HDAC9: variants seen among roughly 807,000 people sequenced by gnomAD.
The protein encoded by HDAC9 is histone deacetylase 9, also known as MEF-2 interacting transcription repressor (MITR) protein.
Under a neutral mutation model 139.4 loss-of-function variants are expected in HDAC9, and 41 were observed. The ratio of observed to expected loss-of-function variants is 0.29; its 90% CI spans 0.23 to 0.38. The LOEUF (loss-of-function observed/expected upper bound fraction) is 0.38. HDAC9 is among the 10% of genes least tolerant of loss of function. The probability of loss-of-function intolerance (pLI) is 1.00; values close to 1 mark genes in which losing one functional copy is unlikely to be tolerated. For missense variants in HDAC9, 1,147 were observed against 1,297.0 expected (o/e 0.88, Z 1.78); for synonymous variants, 517 against 476.2 (o/e 1.09, Z -1.12).
intron 1 of HDAC9, among the ~76,000 whole-genome samples, chr7:18,110,905 C>G (rs1375740049): frequency 2.0e-5 from 3 of 152,128 alleles, no homozygotes; most frequent in Non-Finnish European, 4.4e-5. Flanking sequence ...GATTCTTTCA[C>G]ATGGGGAAGA....
chr7:18,439,776 C>T (rs1055234653), intron 1 of HDAC9, among the ~76,000 whole-genome samples: 3 of 152,128 alleles, frequency 2.0e-5, no homozygotes, highest in Admixed American at 2.0e-4. Context: ...CTCTTTCTCG[C>T]TCTTCATACA....
Position 18,732,654 on chromosome 7 carries a change from T to TGTATATGTGTGCATATGTGTATATAC in HDAC9, c.1909+4897_1909+4898insGTATATGTGTGCATATGTGTATATAC, listed in dbSNP as rs1786223843. ...GTATATGTGTGCATATGTGTATATA[T>TGTATATGTGTGCATATGTGTATATAC]ACACACACACGTGTATATGTGTGCG... On this transcript the variant is annotated intron_variant, in intron 13 of 25. Transcript: ENST00000686413. 4.8e-5 allele frequency among the ~76,000 whole-genome samples: 5 copies of TGTATATGTGTGCATATGTGTATATAC among 104,346 alleles called. 1 individual carries two copies. Among genetic ancestry groups the TGTATATGTGTGCATATGTGTATATAC allele is most frequent in the African/African-American group, 1.1e-4 (2 of 18,650 alleles). The allele number at this position is 104,346 out of a possible 152,430, so 68.5% of individuals were successfully genotyped here. A position where few individuals can be genotyped will look rare whatever the true frequency, so the allele number is the denominator to read the frequency against.
chr7:18,168,930 C>T (rs1233850675), intron 2 of HDAC9, among the ~76,000 whole-genome samples: 3 of 113,882 alleles, frequency 2.6e-5, no homozygotes, highest in Admixed American at 1.0e-4. Flanking sequence ...TGTGTGTGCG[C>T]GCATGTGTCT....
intron 23 of HDAC9, among the ~76,000 whole-genome samples, chr7:18,947,162 T>C (rs1367504761): frequency 1.3e-5 from 2 of 151,932 alleles, no homozygotes; most frequent in Admixed American, 6.6e-5. Context: ...AATGTATATA[T>C]TAGAAAAGAA....
chr7:18,662,700 A>G (rs1331095000), intron 11 of HDAC9, among the ~76,000 whole-genome samples: 1 of 152,108 alleles, frequency 6.6e-6, no homozygotes, highest in South Asian at 2.1e-4. Flanking sequence ...AATGAGAAGC[A>G]AAGGTATCAG....
At chr7:18,215,847 A>G (rs775913267) in intron 2 of HDAC9, among the ~76,000 whole-genome samples, 45 of 152,158 alleles carry the variant, frequency 3.0e-4, no homozygotes, top group Non-Finnish European at 3.4e-4. Context: ...GCATATTCCA[A>G]GCTGTTTTTG....
intron 1 of HDAC9, among the ~76,000 whole-genome samples, chr7:18,125,900 T>TTGCCACCACTTACA (rs1179670144): frequency 6.6e-6 from 1 of 152,226 alleles, no homozygotes; most frequent in Non-Finnish European, 1.5e-5. Flanking sequence ...TCTTACTTTG[T>TTGCCACCACTTACA]AAGTGGTGCC....
At chr7:18,114,880 A>G (rs1253195406) in intron 1 of HDAC9, among the ~76,000 whole-genome samples, 1 of 152,232 alleles carries the variant, frequency 6.6e-6, no homozygotes, top group Non-Finnish European at 1.5e-5. Flanking sequence ...TGTTTGAAAT[A>G]TGTTAGCCTC....
At chr7:18,894,150 G>C (rs1372762438) in intron 22 of HDAC9, among the ~76,000 whole-genome samples, 1 of 152,146 alleles carries the variant, frequency 6.6e-6, no homozygotes, top group South Asian at 2.1e-4. Flanking sequence ...AGAGAGGAAT[G>C]AGTGGCTCTG....
chr7:18,830,894 A>T (rs143266546), intron 19 of HDAC9, among the ~76,000 whole-genome samples: 43 of 152,242 alleles, frequency 2.8e-4, no homozygotes, highest in African/African-American at 1.0e-3. Context: ...CCATTTTCTC[A>T]TTTATATGCA....
At chr7:18,500,847 A>G (rs1798178625) in intron 2 of HDAC9, among the ~76,000 whole-genome samples, 1 of 152,136 alleles carries the variant, frequency 6.6e-6, no homozygotes, top group Admixed American at 6.6e-5. Context: ...TATATTAAAA[A>G]AAGCTGAAAG....
intron 1 of HDAC9, among the ~76,000 whole-genome samples, chr7:18,303,313 G>C (rs766982309): frequency 5.9e-5 from 9 of 151,774 alleles, no homozygotes; most frequent in Non-Finnish European, 8.8e-5. Flanking sequence ...CGCCTCCCGG[G>C]TTCCTGCCTC....
chr7:18,134,960 C>T (rs897931025), intron 1 of HDAC9, among the ~76,000 whole-genome samples: 4 of 152,008 alleles, frequency 2.6e-5, no homozygotes, highest in African/African-American at 4.8e-5. Flanking sequence ...AGTCAGTTTA[C>T]GAATATTCAC....
At chr7:18,838,823 C>A (rs1348557804) in intron 21 of HDAC9, among the ~76,000 whole-genome samples, 1 of 151,850 alleles carries the variant, frequency 6.6e-6, no homozygotes, top group African/African-American at 2.4e-5. Flanking sequence ...GAAGGAAAAT[C>A]TCTCTCCCTG....
intron 2 of HDAC9, among the ~76,000 whole-genome samples, chr7:18,168,609 G>A (rs1411352053): frequency 6.6e-6 from 1 of 151,274 alleles, no homozygotes; most frequent in African/African-American, 2.4e-5. Context: ...ATGTGTGCTT[G>A]TGTTGCAGTA....
At position 18,133,736 on chromosome 7, in the gene HDAC9, A is replaced by G. The variant is rs141714537; in HGVS notation, c.-96-28493A>G. On this transcript the variant is annotated intron_variant, in intron 1 of 12. Transcript: ENST00000417496. ...AAAATGGAAAAAGTGATTATTGTAG[A>G]AAAATGGGAAAGCAACATGTTTCTG... is the stretch of plus-strand genomic sequence containing the variant. Among the ~76,000 whole-genome samples, 732 of 152,240 alleles carry G rather than the reference A, an allele frequency of 4.8e-3. 5 individuals carry two copies. Among genetic ancestry groups the G allele is most frequent in the African/African-American group, 0.017 (709 of 41,546 alleles).
At chr7:18,176,809 T>C (rs1788943432) in intron 2 of HDAC9, among the ~76,000 whole-genome samples, 1 of 152,214 alleles carries the variant, frequency 6.6e-6, no homozygotes, top group African/African-American at 2.4e-5. Flanking sequence ...ATTATTGTGC[T>C]TCCTTTTTTA....
chr7:18,505,682 G>A (rs574009633), intron 2 of HDAC9: 1 of 152,222 alleles, frequency 6.6e-6, no homozygotes, highest in South Asian at 2.1e-4. Flanking sequence ...ATCCAATTAT[G>A]CAAAAGCCCA....
chr7:18,918,699 C>G (rs1392294615), intron 22 of HDAC9, among the ~76,000 whole-genome samples: 1 of 151,974 alleles, frequency 6.6e-6, no homozygotes, highest in Admixed American at 6.6e-5. Flanking sequence ...ACAAATTGTG[C>G]CACCTCCATT....
Sources: gnomAD v4.1 joint callset for allele counts (sites outside exome capture counted in the v4.1 genomes callset) on GRCh38, gnomAD v4.1.1 for gene constraint, MANE v1.5 for transcripts, NCBI Gene and HGNC (gene_info 2026-07-23, HGNC 2026-07-21) for gene names.